Variants in PKP4 observed in about 807,000 individuals in gnomAD.
PKP4 encodes the protein plakophilin-4.
PKP4 carries 90 observed loss-of-function variants against 145.1 expected under a neutral mutation model. The observed-to-expected ratio is 0.62, with a 90% CI of 0.52 to 0.74. The LOEUF (loss-of-function observed/expected upper bound fraction) is 0.74. PKP4 is among the 30% of genes least tolerant of loss of function. The pLI, the probability that PKP4 is intolerant of heterozygous loss-of-function variation, is 0.00. For missense variants in PKP4, 1,340 were observed against 1,482.7 expected, an observed-to-expected ratio of 0.90 and a Z score of 1.58; for synonymous variants, 563 against 577.2, an observed-to-expected ratio of 0.98 and a Z score of 0.35.
At chr2:158,460,617 TTTTC>T (rs1403986881) in intron 1 of PKP4, among the ~76,000 whole-genome samples, 2 of 152,210 alleles carry the variant, frequency 1.3e-5, no homozygotes, top group Non-Finnish European at 2.9e-5. Context: ...TCTAATGTGT[TTTTC>T]TTTCTGTTTC....
chr2:158,469,168 C>A (rs1017421571), intron 1 of PKP4, among the ~76,000 whole-genome samples: 13 of 151,960 alleles, frequency 8.6e-5, no homozygotes, highest in African/African-American at 2.9e-4. Context: ...CAGCTCACTG[C>A]AACCTCTGCC....
At chr2:158,576,438 C>CTTT (rs2047858127) in intron 2 of PKP4, among the ~76,000 whole-genome samples, 2 of 152,108 alleles carry the variant, frequency 1.3e-5, no homozygotes, top group African/African-American at 4.8e-5. Context: ...CTATTTGTAG[C>CTTT]TTAAAACCTT....
chr2:158,580,139 A>T (rs1198505000), intron 3 of PKP4, among the ~76,000 whole-genome samples: 1 of 152,236 alleles, frequency 6.6e-6, no homozygotes, highest in Non-Finnish European at 1.5e-5. Flanking sequence ...TGGCTATTAG[A>T]TTATGTTCTG....
chr2:158,526,369 G>A (rs1407967182), intron 1 of PKP4, among the ~76,000 whole-genome samples: 47 of 107,244 alleles, frequency 4.4e-4, no homozygotes, highest in Admixed American at 1.1e-4. Context: ...TATAAACAGA[G>A]CCAAAGACAA....
rs564117703 is a variant in PKP4, at chr2:158,471,573, A to G, written c.-6+14355A>G. ...CACATCACTGCAGTAGCAGAGGCTC[A>G]TCACACATGAGAGAAGACATACTGG... On this transcript the variant is annotated intron_variant, in intron 1 of 21. Coordinates refer to ENST00000389759, the MANE Select transcript of PKP4 (RefSeq NM_003628.6). Among the ~76,000 whole-genome samples, 430 of 152,384 alleles carry G rather than the reference A, an allele frequency of 2.8e-3. 4 individuals carry two copies. The highest frequency in any genetic ancestry group is 0.01 in the African/African-American group (417 of 41,590).
At chr2:158,514,610 G>A (rs1186650915) in intron 1 of PKP4, among the ~76,000 whole-genome samples, 1 of 152,156 alleles carries the variant, frequency 6.6e-6, no homozygotes, top group Non-Finnish European at 1.5e-5. Flanking sequence ...AAAATCAAGA[G>A]GTTTTTTTTC....
At chr2:158,537,993 G>A (rs1364133388) in intron 2 of PKP4, among the ~76,000 whole-genome samples, 1 of 152,110 alleles carries the variant, frequency 6.6e-6, no homozygotes, top group Non-Finnish European at 1.5e-5. Context: ...CTCCAGCCTG[G>A]GTGACAGAGC....
chr2:158,606,339 A>C lies in PKP4; in HGVS notation c.280+3235A>C, dbSNP rs76281000. ...GGGCAACAGAGCGAGACTCCTTCTC[A>C]AAAAAAAAAATAATAATAAAATAAC... On this transcript the variant is annotated intron_variant, in intron 4 of 21. Coordinates refer to ENST00000389759, the MANE Select transcript of PKP4 (RefSeq NM_003628.6). Among the ~76,000 whole-genome samples the C allele has an allele frequency of 3.2e-5, 4 of 123,474 alleles. No homozygotes were observed. In the South Asian group the frequency reaches 1.1e-3, roughly 35 times the overall value. 81.0% of individuals were successfully genotyped at this position (123,474 alleles called of 152,430 possible). A position where few individuals can be genotyped will look rare whatever the true frequency, so the allele number is the denominator to read the frequency against.
At chr2:158,468,898 C>G (rs982298737) in intron 1 of PKP4, among the ~76,000 whole-genome samples, 2 of 150,950 alleles carry the variant, frequency 1.3e-5, no homozygotes, top group Non-Finnish European at 2.9e-5. Flanking sequence ...CATCAGCCTC[C>G]TGAGTACCTG....
At chr2:158,557,202 A>G (rs1289831396) in intron 2 of PKP4, among the ~76,000 whole-genome samples, 1 of 152,206 alleles carries the variant, frequency 6.6e-6, no homozygotes, top group Non-Finnish European at 1.5e-5. Context: ...TTTGATATGC[A>G]TAGAAAGCCT....
intron 3 of PKP4, among the ~76,000 whole-genome samples, chr2:158,600,200 G>A (rs546523672): frequency 1.3e-5 from 2 of 152,316 alleles, no homozygotes; most frequent in South Asian, 4.1e-4. Context: ...AAGGTTATTA[G>A]TGGATTTCAT....
At chr2:158,556,179 TACAA>T (rs2046073847) in intron 2 of PKP4, among the ~76,000 whole-genome samples, 2 of 152,240 alleles carry the variant, frequency 1.3e-5, no homozygotes, top group South Asian at 4.1e-4. Flanking sequence ...GGAAATGGGC[TACAA>T]ACAAACACAT....
Position 158,669,901 on chromosome 2 carries a change from A to G in PKP4, c.2910A>G (p.Lys970=), listed in dbSNP as rs765971880. Residue 970 remains lysine, a synonymous_variant, in exon 17 of 22, where the codon AAA becomes AAG. Coordinates refer to ENST00000389759, the MANE Select transcript of PKP4 (RefSeq NM_003628.6). ...TAGAGAAGCTGGTGAACATAACCAA[A>G]GGCAGGGGCGACAGGCAAGTCTGCG... The part of the protein sequence containing the change: ...GGIEKLVNIT[K]GRGDRSSLKV... 1 of 1,611,174 alleles carries G rather than the reference A, an allele frequency of 6.2e-7. No individual in the cohort carries two copies. Among genetic ancestry groups the G allele is most frequent in the East Asian group, 2.2e-5 (1 of 44,832 alleles).
At chr2:158,674,482 G>T (rs551270908) in intron 19 of PKP4, among the ~76,000 whole-genome samples, 5 of 152,152 alleles carry the variant, frequency 3.3e-5, no homozygotes, top group Admixed American at 3.3e-4. Context: ...CTTCAGATCC[G>T]CAACCTGGGA....
chr2:158,631,810 C>T lies in PKP4; in HGVS notation c.1211C>T (p.Ala404Val), dbSNP rs1320428711. The T allele has an allele frequency of 1.9e-6, 3 of 1,613,966 alleles. No individual in the cohort carries two copies. Among genetic ancestry groups the T allele is most frequent in the East Asian group, 2.2e-5 (1 of 44,900 alleles). ...HSQLGQDLRS[A>V]VSPDLHITPI... ...CAGCTTGGGCAAGACCTTCGTTCTG[C>T]CGTGTCTCCCGACTTGCACATTACT... Residue 404 changes from alanine (A) to valine (V), a missense_variant, in exon 8 of 22, where the codon GCC becomes GTC. Physicochemically the swap from Ala to Val is moderately conservative, Grantham distance 64 (BLOSUM62 0). Coordinates refer to ENST00000389759, the MANE Select transcript of PKP4 (RefSeq NM_003628.6).
rs151031936 is a variant in PKP4 at position 158,649,867 on chromosome 2, G to C, written c.1909+7168G>C. On this transcript the variant is annotated intron_variant, in intron 11 of 21. Transcript: ENST00000389759. ...GTCCTGCAAATGCTTTGCAGTTTCT[G>C]AGTATGATGCTCTATAGCTTGCAGC... Among the ~76,000 whole-genome samples, 272 of 152,352 alleles carry C rather than the reference G, an allele frequency of 1.8e-3. 1 individual carries two copies. The highest frequency in any genetic ancestry group is 6.3e-3 in the African/African-American group (261 of 41,582).
intron 11 of PKP4, among the ~76,000 whole-genome samples, chr2:158,647,990 G>A (rs978886980): frequency 6.6e-6 from 1 of 152,188 alleles, no homozygotes; most frequent in Non-Finnish European, 1.5e-5. Context: ...TGAGCCTCCT[G>A]AAAACATCAT....
At chr2:158,580,674 CT>C (rs763576830) in intron 3 of PKP4, among the ~76,000 whole-genome samples, 5 of 152,138 alleles carry the variant, frequency 3.3e-5, no homozygotes, top group Non-Finnish European at 4.4e-5. Context: ...AGATAGGAAT[CT>C]ATTATGAAAT....
At chr2:158,513,008 A>G (rs2041645254) in intron 1 of PKP4, among the ~76,000 whole-genome samples, 2 of 152,192 alleles carry the variant, frequency 1.3e-5, no homozygotes, top group Admixed American at 1.3e-4. Flanking sequence ...CCTGAGAGCA[A>G]AGATCCTTCT....
Sources: allele counts gnomAD v4.1 joint callset (sites outside exome capture counted in the v4.1 genomes callset), GRCh38; gene constraint gnomAD v4.1.1; transcripts MANE v1.5; gene names NCBI Gene and HGNC (gene_info 2026-07-23, HGNC 2026-07-21).